KCNAB2: variants seen among roughly 807,000 people sequenced by gnomAD.
KCNAB2 encodes potassium voltage-gated channel subfamily A regulatory beta subunit 2.
A neutral mutation model predicts 63.6 loss-of-function variants in KCNAB2; 29 were observed. The ratio of observed to expected loss-of-function variants is 0.46; its 90% CI spans 0.34 to 0.62. The LOEUF is 0.62. Ranked by LOEUF, KCNAB2 falls within the 20% of genes least tolerant of loss-of-function variation. KCNAB2 has a pLI of 0.01. For synonymous variants in KCNAB2, 222 were observed against 224.2 expected, an observed-to-expected ratio of 0.99 and a Z score of 0.09; for missense variants, 359 against 563.9, an observed-to-expected ratio of 0.64 and a Z score of 3.68.
rs1354870401 is a variant in KCNAB2 at position 6,086,714 on chromosome 1, CAGA to C, written c.426-748_426-746del. 3.9e-5 allele frequency among the ~76,000 whole-genome samples: 6 copies of C among 152,280 alleles called. No individual in the cohort carries two copies. Among genetic ancestry groups the C allele is most frequent in the Non-Finnish European group, 5.9e-5 (4 of 68,008 alleles). The stretch of plus-strand genomic sequence containing the variant: ...GCATTTGTCTCGTGTGGACTTAGAG[CAGA>C]AGAACGAATTACTTCCCTTTGCGCT... On this transcript the variant is annotated intron_variant, in intron 6 of 15. Coordinates refer to ENST00000378083, the MANE Select transcript of KCNAB2 (RefSeq NM_001199862.2). The surrounding 1 kb of genome is among the most constrained non-coding windows in gnomAD (Gnocchi z 4.2).
chr1:6,090,616 G>T, intron 9 of KCNAB2, 141 bp downstream of exon 9: 1 of 643,772 alleles, frequency 1.6e-6, no homozygotes, highest in Non-Finnish European at 2.7e-6. Flanking sequence ...AGGGTGGGGG[G>T]CGAGGGGGCA....
intron 1 of KCNAB2, among the ~76,000 whole-genome samples, chr1:6,023,559 A>G (rs1033687375): frequency 1.4e-4 from 22 of 152,136 alleles, no homozygotes; most frequent in Non-Finnish European, 2.8e-4. Flanking sequence ...GACGTTGAGC[A>G]CCTTTTAATG....
At chr1:6,070,342 T>C (rs1188882019) in intron 2 of KCNAB2, among the ~76,000 whole-genome samples, 10 of 152,184 alleles carry the variant, frequency 6.6e-5, no homozygotes, top group Admixed American at 6.5e-4. Flanking sequence ...GCATTTATAA[T>C]TTCTTACCAC....
At chr1:6,036,389 G>T (rs1660039967) in intron 1 of KCNAB2, among the ~76,000 whole-genome samples, 1 of 152,092 alleles carries the variant, frequency 6.6e-6, no homozygotes, top group Non-Finnish European at 1.5e-5. Flanking sequence ...TGTAATCCCA[G>T]CTATTTGGGA....
At chr1:6,083,052 C>T (rs1664345328) in intron 5 of KCNAB2, among the ~76,000 whole-genome samples, 1 of 152,158 alleles carries the variant, frequency 6.6e-6, no homozygotes, top group South Asian at 2.1e-4. Context: ...AGTTCCCACC[C>T]AGAGCCTGGG....
chr1:5,994,418 G>C lies in KCNAB2; in HGVS notation c.-53+1630G>C, dbSNP rs1476465748. Among the ~76,000 whole-genome samples, 2 of 152,236 alleles carry C rather than the reference G, an allele frequency of 1.3e-5. No individual in the cohort carries two copies. Among genetic ancestry groups the C allele is most frequent in the South Asian group, 2.1e-4 (1 of 4,828 alleles). On this transcript the variant is annotated intron_variant, in intron 1 of 16. Transcript: ENST00000341524. The surrounding 1 kb of genome is among the most constrained non-coding windows in gnomAD (Gnocchi z 5.4). ...GAGTGCACTTGGTCCTCCAGGTCCT[G>C]TCATTGTCTCCACGGCCACACTCGG...
intron 8 of KCNAB2, 102 bp from the exon 9 acceptor site, chr1:6,090,287 C>G (rs1057296104): frequency 2.4e-5 from 19 of 782,710 alleles, no homozygotes; most frequent in Non-Finnish European, 3.9e-5. Flanking sequence ...TGCCAGAGGC[C>G]TCTTCTCCAT....
At chr1:6,004,972 G>GAGT (rs1231027854) in intron 1 of KCNAB2, among the ~76,000 whole-genome samples, 1 of 135,112 alleles carries the variant, frequency 7.4e-6, no homozygotes, top group Non-Finnish European at 1.6e-5. Flanking sequence ...CTGAGCTGAG[G>GAGT]GATGAGGGTG....
At chr1:6,053,123 G>A (rs759487376) in intron 2 of KCNAB2, among the ~76,000 whole-genome samples, 4 of 152,068 alleles carry the variant, frequency 2.6e-5, no homozygotes, top group Non-Finnish European at 4.4e-5. Flanking sequence ...TGTTTTTCAG[G>A]CTTTGTATCC....
At chr1:6,056,393 A>C (rs1661828789) in intron 2 of KCNAB2, among the ~76,000 whole-genome samples, 1 of 152,200 alleles carries the variant, frequency 6.6e-6, no homozygotes, top group Non-Finnish European at 1.5e-5. Flanking sequence ...TGTTAAAAAG[A>C]ATTTTAAGAT....
At position 6,095,193 on chromosome 1, in the gene KCNAB2, G is replaced by C. The variant is rs972157357; in HGVS notation, c.733-130G>C. ...CAGGGAAGCTATGAGTGTGAGCAGTGGGGAGCCCGGGCTGCAGCTGCTGGG... is the reference window on the plus strand; with the variant it reads ...CAGGGAAGCTATGAGTGTGAGCAGTCGGGAGCCCGGGCTGCAGCTGCTGGG... On this transcript the variant is annotated intron_variant, in intron 11 of 15. Transcript: ENST00000378083. 4.2e-6 allele frequency: 4 copies of C among 954,174 alleles called. No homozygotes were observed. The Admixed American group carries it at 9.5e-5, about 23-fold the overall frequency. 59.1% of individuals were successfully genotyped at this position (954,174 alleles called of 1,614,324 possible). A position where few individuals can be genotyped will look rare whatever the true frequency, so the allele number is the denominator to read the frequency against.
intron 1 of KCNAB2, among the ~76,000 whole-genome samples, chr1:6,009,814 T>G (rs1224998761): frequency 6.6e-6 from 1 of 152,172 alleles, no homozygotes; most frequent in East Asian, 1.9e-4. Flanking sequence ...TCCCACACTT[T>G]AGTCATTGGC....
chr1:6,098,371 G>A, intron 15 of KCNAB2, 114 bp from the exon 16 acceptor site: 1 of 1,506,854 alleles, frequency 6.6e-7, no homozygotes, highest in Non-Finnish European at 8.9e-7. Context: ...CAGATGTGAT[G>A]GGGCAACCCG....
intron 1 of KCNAB2, among the ~76,000 whole-genome samples, chr1:6,002,817 G>A (rs568892902): frequency 5.9e-5 from 9 of 152,248 alleles, no homozygotes; most frequent in East Asian, 5.8e-4. Context: ...GGAGGCAGGC[G>A]CTTCACCCGA....
At position 6,069,897 on chromosome 1, in the gene KCNAB2, G is replaced by A. The variant is rs1375084701; in HGVS notation, c.219-2858G>A. Reference sequence around the variant, plus strand: ...GTGGGTGGTGGGTGGAAGAGCGGCTGAACCCAGAGCCCACTCGGGGAAGTG... The same window carrying A: ...GTGGGTGGTGGGTGGAAGAGCGGCTAAACCCAGAGCCCACTCGGGGAAGTG... On this transcript the variant is annotated intron_variant, in intron 2 of 15. Coordinates refer to ENST00000378083, the MANE Select transcript of KCNAB2 (RefSeq NM_001199862.2). The surrounding 1 kb of genome is among the most constrained non-coding windows in gnomAD (Gnocchi z 5.4). Among the ~76,000 whole-genome samples, 2 of 152,102 alleles carry A rather than the reference G, an allele frequency of 1.3e-5. No individual in the cohort carries two copies. The highest frequency in any genetic ancestry group is 3.9e-4 in the East Asian group (2 of 5,186).
chr1:6,092,045 C>T (rs1665235166), intron 10 of KCNAB2, among the ~76,000 whole-genome samples: 1 of 152,340 alleles, frequency 6.6e-6, no homozygotes, highest in Middle Eastern at 3.4e-3. Flanking sequence ...GGCCTGGGCC[C>T]CTGTCTGCCA....
intron 10 of KCNAB2, among the ~76,000 whole-genome samples, chr1:6,093,549 T>G (rs1413372579): frequency 6.6e-6 from 1 of 152,246 alleles, no homozygotes; most frequent in Non-Finnish European, 1.5e-5. Flanking sequence ...GCGTGAAGTC[T>G]CCGCGATTTC....
At chr1:6,048,833 G>C (rs149886989) in intron 1 of KCNAB2, among the ~76,000 whole-genome samples, 1 of 152,204 alleles carries the variant, frequency 6.6e-6, no homozygotes, top group Non-Finnish European at 1.5e-5. Context: ...TGCCTGCCAC[G>C]CGCATGGAGG....
chr1:6,099,974 C>T lies in KCNAB2; in HGVS notation c.*1400C>T, dbSNP rs113497487. The T allele has an allele frequency of 3.0e-3, 4,575 of 1,548,662 alleles. 15 individuals carry two copies. Among genetic ancestry groups the T allele is most frequent in the Non-Finnish European group, 3.8e-3 (4,318 of 1,146,114 alleles). On this transcript the variant is annotated 3_prime_UTR_variant, in exon 16 of 16. Transcript: ENST00000378083. ...CAGTACCCAGGCTTTGCAGACCACG[C>T]GGGGCAGGGCTCCACTGAAGCCACC...
Sources: allele counts gnomAD v4.1 joint callset (sites outside exome capture counted in the v4.1 genomes callset), GRCh38; gene constraint gnomAD v4.1.1; non-coding constraint Gnocchi (gnomAD v3.1); transcripts MANE v1.5; gene names NCBI Gene and HGNC (gene_info 2026-07-23, HGNC 2026-07-21).